RBFOX1: variants seen among roughly 807,000 people sequenced by gnomAD.
RBFOX1 encodes RNA binding fox-1 homolog 1.
A neutral mutation model predicts 57.7 loss-of-function variants in RBFOX1; 8 were observed. The ratio of observed to expected loss-of-function variants is 0.14; its 90% CI spans 0.08 to 0.25. The LOEUF is 0.25. RBFOX1 is among the 10% of genes least tolerant of loss of function. RBFOX1 has a pLI of 1.00. For missense variants in RBFOX1, 611 were observed against 548.5 expected (o/e 1.11, Z -1.14); for synonymous variants, 326 against 222.4 (o/e 1.47, Z -4.15).
intron 1 of RBFOX1, among the ~76,000 whole-genome samples, chr16:5,249,322 C>T (rs2062385940): frequency 6.6e-6 from 1 of 152,162 alleles, no homozygotes; most frequent in Admixed American, 6.5e-5. Flanking sequence ...GACTGTGCCC[C>T]CCACCTTGTC....
chr16:5,641,881 C>T (rs542550816), intron 3 of RBFOX1, among the ~76,000 whole-genome samples: 19 of 152,264 alleles, frequency 1.2e-4, no homozygotes, highest in African/African-American at 4.3e-4. Context: ...TCCTAGGATG[C>T]ATAGGAGTTT....
intron 3 of RBFOX1, among the ~76,000 whole-genome samples, chr16:7,013,174 A>G (rs149998693): frequency 1.3e-5 from 2 of 152,088 alleles, no homozygotes; most frequent in Non-Finnish European, 2.9e-5. Context: ...ATGCTCTGAT[A>G]CTCATTGGCT....
At chr16:7,438,466 G>A (rs147737933) in intron 4 of RBFOX1, among the ~76,000 whole-genome samples, 2,509 of 152,182 alleles carry the variant, frequency 0.016, 32 homozygotes, top group Middle Eastern at 0.037. Flanking sequence ...AAGGAGAGAT[G>A]GCGGGACAAT....
At chr16:6,269,857 GCTTTAT>G (rs2074992792) in intron 1 of RBFOX1, among the ~76,000 whole-genome samples, 1 of 152,226 alleles carries the variant, frequency 6.6e-6, no homozygotes, top group South Asian at 2.1e-4. Flanking sequence ...TCAAAATTAT[GCTTTAT>G]CTTTAAGCAA....
At chr16:5,601,583 G>A (rs994831225), downstream of RBFOX1, 9 of 152,288 alleles carry the variant, frequency 5.9e-5, no homozygotes, top group African/African-American at 1.9e-4. Flanking sequence ...CCATCTTGGA[G>A]TTTGGCTACC....
intron 4 of RBFOX1, among the ~76,000 whole-genome samples, chr16:7,074,849 G>A (rs866900982): frequency 4.6e-5 from 7 of 152,046 alleles, no homozygotes; most frequent in South Asian, 2.1e-4. Flanking sequence ...TGTCTATTGC[G>A]CAACATATCT....
intron 3 of RBFOX1, among the ~76,000 whole-genome samples, chr16:6,658,242 AT>A (rs781700437): frequency 0.032 from 4,447 of 140,626 alleles, 163 homozygotes; most frequent in African/African-American, 0.095. Flanking sequence ...GAGAGCCTTC[AT>A]TTTTTTTTTT....
At chr16:6,169,745 G>A (rs1375398799) in intron 1 of RBFOX1, among the ~76,000 whole-genome samples, 9 of 152,146 alleles carry the variant, frequency 5.9e-5, no homozygotes, top group Admixed American at 5.9e-4. Context: ...GTTGTTACAG[G>A]CACATGCTCC....
chr16:7,302,524 G>T (rs2096058902), intron 4 of RBFOX1, among the ~76,000 whole-genome samples: 1 of 151,762 alleles, frequency 6.6e-6, no homozygotes, highest in Non-Finnish European at 1.5e-5. Context: ...CCCCTCTCAG[G>T]TACGGTTCCG....
chr16:6,132,879 C>T (rs1193380510), intron 1 of RBFOX1, among the ~76,000 whole-genome samples: 2 of 151,086 alleles, frequency 1.3e-5, no homozygotes, highest in Non-Finnish European at 2.9e-5. Context: ...CCCAGCTACT[C>T]ACTTGAACCC....
chr16:5,916,977 T>C (rs1287867579), intron 4 of RBFOX1, among the ~76,000 whole-genome samples: 2 of 152,136 alleles, frequency 1.3e-5, no homozygotes, highest in African/African-American at 2.4e-5. Flanking sequence ...GCGGGTGTTA[T>C]GACCTGCATC....
chr16:7,229,569 A>AG (rs1220599577), intron 4 of RBFOX1, among the ~76,000 whole-genome samples: 2 of 127,910 alleles, frequency 1.6e-5, no homozygotes, highest in African/African-American at 6.0e-5. Context: ...GAAGGGAGGG[A>AG]GGGGAAGGAG....
chr16:7,448,277 A>G (rs1353340232), intron 4 of RBFOX1, among the ~76,000 whole-genome samples: 1 of 152,204 alleles, frequency 6.6e-6, no homozygotes, highest in Admixed American at 6.5e-5. Context: ...TGAGAACTCT[A>G]AGGAAGGATG....
chr16:5,605,186 G>A (rs1229355013), intron 3 of RBFOX1, among the ~76,000 whole-genome samples: 3 of 152,190 alleles, frequency 2.0e-5, no homozygotes, highest in African/African-American at 7.2e-5. Context: ...GCAGAATGTT[G>A]AAGAAAGAGA....
chr16:5,263,836 G>T (rs765621395), intron 1 of RBFOX1, among the ~76,000 whole-genome samples: 53 of 152,252 alleles, frequency 3.5e-4, no homozygotes, highest in Non-Finnish European at 6.8e-4. Flanking sequence ...AATATGGTTT[G>T]GAATTTATTT....
chr16:5,461,691 G>A (rs2068792763), intron 1 of RBFOX1, among the ~76,000 whole-genome samples: 1 of 152,134 alleles, frequency 6.6e-6, no homozygotes, highest in Admixed American at 6.5e-5. Flanking sequence ...CATTTGGTGG[G>A]TTTCCTTGGC....
chr16:6,401,530 G>C (rs1016214679), intron 2 of RBFOX1, among the ~76,000 whole-genome samples: 1 of 152,078 alleles, frequency 6.6e-6, no homozygotes, highest in Non-Finnish European at 1.5e-5. Context: ...GGATTTATAG[G>C]ACTTTGGATC....
chr16:6,498,571 G>A (rs946421828), intron 2 of RBFOX1, among the ~76,000 whole-genome samples: 1 of 152,076 alleles, frequency 6.6e-6, no homozygotes, highest in Admixed American at 6.5e-5. Flanking sequence ...AGATTGTGAT[G>A]ATAGGCTATA....
chr16:6,117,020 G>C (rs963142035), intron 1 of RBFOX1, among the ~76,000 whole-genome samples: 10 of 152,166 alleles, frequency 6.6e-5, no homozygotes, highest in Non-Finnish European at 1.2e-4. Flanking sequence ...GTTCTGAATA[G>C]GGTGTGTGTC....
Sources: allele counts gnomAD v4.1 joint callset (sites outside exome capture counted in the v4.1 genomes callset), GRCh38; gene constraint gnomAD v4.1.1; transcripts MANE v1.5; gene names NCBI Gene and HGNC (gene_info 2026-07-23, HGNC 2026-07-21).